Variants in OR8G5 observed in about 807,000 individuals in gnomAD.
OR8G5 encodes olfactory receptor family 8 subfamily G member 5.
For missense variants in OR8G5, 347 were observed against 371.9 expected (o/e 0.93, Z 0.55); for synonymous variants, 147 against 147.7 (o/e 1.00, Z 0.03).
chr11:124,265,911 G>A lies in OR8G5; in HGVS notation c.*44G>A, dbSNP rs1336501255. ...AGATTGCATTAGATCTAAGTTTTTGGCTATGATATTGTATGAAATGATGTC... is the reference window on the plus strand; with the variant it reads ...AGATTGCATTAGATCTAAGTTTTTGACTATGATATTGTATGAAATGATGTC... On this transcript the variant is annotated 3_prime_UTR_variant, in exon 2 of 2. Transcript: ENST00000641992. The A allele has an allele frequency of 1.3e-6, 2 of 1,526,714 alleles. No homozygotes were observed. The highest frequency in any genetic ancestry group is 1.8e-6 in the Non-Finnish European group (2 of 1,138,476). The allele number at this position is 1,526,714 out of a possible 1,614,324, so 94.6% of individuals were successfully genotyped here.
chr11:124,265,825 C>T lies in OR8G5; in HGVS notation c.894C>T (p.His298=), dbSNP rs200915776. 9 of 1,613,880 alleles carry T rather than the reference C, an allele frequency of 5.6e-6. No homozygotes were observed. Among genetic ancestry groups the T allele is most frequent in the East Asian group, 4.5e-5 (2 of 44,852 alleles). Residue 298 remains histidine (H), a synonymous_variant, in exon 2 of 2, where the codon CAC becomes CAT. Coordinates refer to ENST00000641992, the MANE Select transcript of OR8G5 (RefSeq NM_001005198.2). ...ACAGCCTGAGGAATAAAGATGTCCA[C>T]GTTGCCCTGAAGAAAACGCTAGGGA... ...LIYSLRNKDV[H]VALKKTLGKR...
chr11:124,262,161 AATT>A (rs1245788696), intron 1 of OR8G5, among the ~76,000 whole-genome samples: 6 of 42,326 alleles, frequency 1.4e-4, no homozygotes, highest in Non-Finnish European at 2.8e-4. Context: ...TATTAGAAAT[AATT>A]TAAATAAAAA....
In OR8G5 at chr11:124,265,304, G is replaced by A; in HGVS notation, c.373G>A (p.Ala125Thr). 1 of 1,614,016 alleles carries A rather than the reference G, an allele frequency of 6.2e-7. No individual in the cohort carries two copies. The highest frequency in any genetic ancestry group is 8.5e-7 in the Non-Finnish European group (1 of 1,179,894). The stretch of plus-strand genomic sequence containing the variant: ...TGCAATGGCATATGACGGCTACGTG[G>A]CCATCTGTAGCCCCTTGCTGTACAG... ...LAAMAYDGYV[A>T]ICSPLLYSII... The change falls in exon 2 of 2, where the codon GCC becomes ACC. Residue 125 changes from alanine to threonine, a missense_variant. Physicochemically the swap from Ala to Thr is moderately conservative, Grantham distance 58. Transcript: ENST00000641992.
intron 1 of OR8G5, among the ~76,000 whole-genome samples, chr11:124,257,528 G>C (rs1041483199): frequency 1.3e-5 from 2 of 152,148 alleles, no homozygotes; most frequent in Non-Finnish European, 2.9e-5. Context: ...AGCTGGATGA[G>C]ACGGACAAGT....
intron 1 of OR8G5, among the ~76,000 whole-genome samples, chr11:124,259,985 A>G (rs1325023248): frequency 1.3e-5 from 2 of 152,090 alleles, no homozygotes; most frequent in Non-Finnish European, 1.5e-5. Flanking sequence ...AGAAAGGGAT[A>G]TAGAGAATAA....
intron 1 of OR8G5, among the ~76,000 whole-genome samples, chr11:124,263,765 T>G (rs529681778): frequency 6.6e-5 from 10 of 152,310 alleles, no homozygotes; most frequent in African/African-American, 2.4e-4. Context: ...TATTTCAGAT[T>G]TATTTTGGTG....
At chr11:124,258,145 CTT>C (rs1163614875) in intron 1 of OR8G5, among the ~76,000 whole-genome samples, 1 of 152,148 alleles carries the variant, frequency 6.6e-6, no homozygotes, top group Non-Finnish European at 1.5e-5. Context: ...CACCTCTTCT[CTT>C]TTGTTTCTCT....
Position 124,265,404 on chromosome 11 carries a change from C to CTCA in OR8G5, c.475_477dup (p.His159dup). The CTCA allele has an allele frequency of 6.2e-7, 1 of 1,614,000 alleles. No individual in the cohort carries two copies. The highest frequency in any genetic ancestry group is 1.1e-5 in the South Asian group (1 of 91,088). On this transcript the variant is annotated inframe_insertion, in exon 2 of 2. Transcript: ENST00000641992. ...GTAATAGGCCTGATTTGTGCGTCAGCTCATATAGGCTGTATGTTTAGGGTT... is the reference window on the plus strand; with the variant it reads ...GTAATAGGCCTGATTTGTGCGTCAGCTCATCATATAGGCTGTATGTTTAGGGTT...
rs570705384 is a variant in OR8G5 at position 124,265,920 on chromosome 11, T to C, written c.*53T>C. The stretch of plus-strand genomic sequence containing the variant: ...TAGATCTAAGTTTTTGGCTATGATA[T>C]TGTATGAAATGATGTCTTTCACTTT... On this transcript the variant is annotated 3_prime_UTR_variant, in exon 2 of 2. Coordinates refer to ENST00000641992, the MANE Select transcript of OR8G5 (RefSeq NM_001005198.2). The C allele has an allele frequency of 3.1e-5, 47 of 1,502,938 alleles. No homozygotes were observed. Among genetic ancestry groups the C allele is most frequent in the Non-Finnish European group, 4.0e-5 (45 of 1,127,162 alleles). 93.1% of individuals were successfully genotyped at this position (1,502,938 alleles called of 1,614,324 possible).
At position 124,265,772 on chromosome 11, in the gene OR8G5, G is replaced by A. The variant is rs768959879; in HGVS notation, c.841G>A (p.Val281Ile). The A allele has an allele frequency of 6.2e-7, 1 of 1,614,094 alleles. No homozygotes were observed. Among genetic ancestry groups the A allele is most frequent in the South Asian group, 1.1e-5 (1 of 91,078 alleles). The change falls in exon 2 of 2, where the codon GTT (valine) becomes ATT (isoleucine). Residue 281 changes from valine (V) to isoleucine (I), a missense_variant. Transcript: ENST00000641992. The part of the protein sequence containing the change: ...GKVSSVFYTI[V>I]VPMLNPLIYS... ...AGTGTCCTCTGTGTTTTATACTATT[G>A]TTGTGCCCATGCTGAACCCCCTGAT...
rs777070624 is a variant in OR8G5 at position 124,265,724 on chromosome 11, G to A, written c.793G>A (p.Val265Ile). The A allele has an allele frequency of 1.1e-5, 18 of 1,613,904 alleles. No individual in the cohort carries two copies. Among genetic ancestry groups the A allele is most frequent in the African/African-American group, 2.7e-5 (2 of 74,910 alleles). Residue 265 changes from valine to isoleucine, a missense_variant, in exon 2 of 2, where the codon GTC becomes ATC. By Grantham distance (29) the Val-to-Ile change is conservative. Transcript: ENST00000641992. The stretch of plus-strand genomic sequence containing the variant: ...ATTCATGTACCTGCAGCCATCATCT[G>A]TCAGCTCCATGGACCAGGGGAAAGT... ...AAFMYLQPSS[V>I]SSMDQGKVSS...
chr11:124,262,672 T>TACACACACACACACACACAC (rs144755103), intron 1 of OR8G5, among the ~76,000 whole-genome samples: 45 of 150,972 alleles, frequency 3.0e-4, no homozygotes, highest in African/African-American at 9.2e-4. Flanking sequence ...TATATGTACA[T>TACACACACACACACACACAC]ATACACACAC....
intron 1 of OR8G5, among the ~76,000 whole-genome samples, chr11:124,258,399 A>G (rs980220036): frequency 4.6e-5 from 7 of 151,974 alleles, no homozygotes; most frequent in Admixed American, 1.3e-4. Flanking sequence ...TCTACTAAAA[A>G]ATACAAAAAT....
chr11:124,261,979 A>C (rs1591395674), intron 1 of OR8G5, among the ~76,000 whole-genome samples: 1 of 152,020 alleles, frequency 6.6e-6, no homozygotes, highest in East Asian at 1.9e-4. Flanking sequence ...CATAACTTTG[A>C]TATATCAAAA....
intron 1 of OR8G5, among the ~76,000 whole-genome samples, chr11:124,259,538 A>G (rs1861946423): frequency 7.1e-6 from 1 of 140,652 alleles, no homozygotes; most frequent in South Asian, 2.2e-4. Flanking sequence ...AGAAGCAGAC[A>G]CTGTTGGAAC....
intron 1 of OR8G5, among the ~76,000 whole-genome samples, chr11:124,263,307 C>T (rs549314212): frequency 6.8e-6 from 1 of 147,516 alleles, no homozygotes; most frequent in South Asian, 2.2e-4. Context: ...GAAATATAAT[C>T]GAAACATTGT....
At position 124,259,895 on chromosome 11, in the gene OR8G5, G is replaced by T. The variant is rs892846369; in HGVS notation, c.-15+3261G>T. Among the ~76,000 whole-genome samples the T allele has an allele frequency of 9.3e-4, 142 of 152,142 alleles. 1 individual carries two copies. Among genetic ancestry groups the T allele is most frequent in the South Asian group, 6.2e-4 (3 of 4,822 alleles). ...TTCACACCAAGCAATTGAAATATTAGTGTTAATATAAAATTATCTGATTGA... is the reference window on the plus strand; with the variant it reads ...TTCACACCAAGCAATTGAAATATTATTGTTAATATAAAATTATCTGATTGA... On this transcript the variant is annotated intron_variant, in intron 1 of 1. Transcript: ENST00000641992.
intron 1 of OR8G5, among the ~76,000 whole-genome samples, chr11:124,257,433 G>A (rs558855498): frequency 4.6e-5 from 7 of 152,264 alleles, no homozygotes; most frequent in Non-Finnish European, 8.8e-5. Context: ...AGGACCAGGT[G>A]GTTGAGGCTT....
In OR8G5 at chr11:124,265,889, T is replaced by A. The variant is rs1862025976; in HGVS notation, c.*22T>A. 6.4e-7 allele frequency: 1 copy of A among 1,573,698 alleles called. No homozygotes were observed. The highest frequency in any genetic ancestry group is 8.6e-7 in the Non-Finnish European group (1 of 1,159,674). ...ATGAACAGAAGTACAATGAAAAAGA[T>A]TGCATTAGATCTAAGTTTTTGGCTA... On this transcript the variant is annotated 3_prime_UTR_variant, in exon 2 of 2. Coordinates refer to ENST00000641992, the MANE Select transcript of OR8G5 (RefSeq NM_001005198.2).
Sources: allele counts gnomAD v4.1 joint callset (sites outside exome capture counted in the v4.1 genomes callset), GRCh38; gene constraint gnomAD v4.1.1; transcripts MANE v1.5; gene names NCBI Gene and HGNC (gene_info 2026-07-23, HGNC 2026-07-21).